DOCK3: variants seen among roughly 807,000 people sequenced by gnomAD.
DOCK3 encodes dedicator of cytokinesis 3, also known as dedicator of cytokinesis protein 3.
In DOCK3, 60 loss-of-function variants were observed where a neutral mutation model predicts 265.6. The ratio of observed to expected loss-of-function variants is 0.23; its 90% confidence interval spans 0.18 to 0.28. The LOEUF (loss-of-function observed/expected upper bound fraction) is 0.28, where lower values mean the gene tolerates loss of function less well. DOCK3 is among the 10% of genes least tolerant of loss of function. The pLI, the probability that DOCK3 is intolerant of heterozygous loss-of-function variation, is 1.00. For synonymous variants in DOCK3, 881 were observed against 938.0 expected (o/e 0.94, Z 1.11); for missense variants, 1,981 against 2,594.3 (o/e 0.76, Z 5.14).
intron 5 of DOCK3, among the ~76,000 whole-genome samples, chr3:51,060,866 A>G (rs1024439314): frequency 1.2e-4 from 18 of 152,206 alleles, no homozygotes; most frequent in African/African-American, 4.1e-4. Context: ...AATTTACAAG[A>G]AAAAAACAAA....
At chr3:50,942,534 G>T (rs539420336) in intron 5 of DOCK3, among the ~76,000 whole-genome samples, 1 of 151,854 alleles carries the variant, frequency 6.6e-6, no homozygotes, top group Admixed American at 6.6e-5. Flanking sequence ...ATCCTTTTTG[G>T]TATTAATGTA....
At chr3:50,806,944 G>T (rs970454816) in intron 2 of DOCK3, among the ~76,000 whole-genome samples, 10 of 152,138 alleles carry the variant, frequency 6.6e-5, no homozygotes, top group African/African-American at 2.4e-4. Context: ...GTAGGCCTTT[G>T]CAGTGGTGGT....
At chr3:50,929,812 A>G (rs977403535) in intron 4 of DOCK3, among the ~76,000 whole-genome samples, 3 of 152,260 alleles carry the variant, frequency 2.0e-5, no homozygotes, top group African/African-American at 7.2e-5. Flanking sequence ...ACAATATAAA[A>G]TCTAGCTGAT....
At chr3:50,813,920 A>G (rs1293160956) in intron 2 of DOCK3, among the ~76,000 whole-genome samples, 1 of 152,222 alleles carries the variant, frequency 6.6e-6, no homozygotes, top group South Asian at 2.1e-4. Context: ...GGCTATACCT[A>G]TGTAATAAAA....
At chr3:51,314,235 C>T (rs2083243190) in intron 31 of DOCK3, among the ~76,000 whole-genome samples, 2 of 152,174 alleles carry the variant, frequency 1.3e-5, no homozygotes, top group Admixed American at 1.3e-4. Flanking sequence ...CCCTAGATGG[C>T]ACGCCAATGA....
In DOCK3 at chr3:51,330,187, A is replaced by G; in HGVS notation, c.3452A>G (p.Lys1151Arg). ...CTGGACAGCATGGTGTCAGAAGGGA[A>G]AGGTGACGAGAGCTACAGGGAGCTC... ...DKLDSMVSEG[K>R]GDESYRELFS... is the part of the protein sequence containing the mutation. The change falls in exon 33 of 53, where the codon AAA (lysine) becomes AGA (arginine). Residue 1151 changes from lysine to arginine, a missense_variant. This residue lies in a region of DOCK3 where 1,357 missense variants were observed against 1,866.8 expected (regional missense o/e 0.73). Transcript: ENST00000266037. 1 of 1,605,920 alleles carries G rather than the reference A, an allele frequency of 6.2e-7. No homozygotes were observed. Among genetic ancestry groups the G allele is most frequent in the Non-Finnish European group, 8.5e-7 (1 of 1,176,344 alleles).
chr3:50,776,957 TA>T (rs2041637395), intron 1 of DOCK3, among the ~76,000 whole-genome samples: 1 of 152,158 alleles, frequency 6.6e-6, no homozygotes, highest in Non-Finnish European at 1.5e-5. Flanking sequence ...TAGTGGAAGA[TA>T]AAAGGCACTT....
At chr3:51,221,664 C>T (rs1260003160) in intron 14 of DOCK3, among the ~76,000 whole-genome samples, 1 of 152,136 alleles carries the variant, frequency 6.6e-6, no homozygotes, top group Non-Finnish European at 1.5e-5. Flanking sequence ...CAAATCGTTC[C>T]ACTTCATTCA....
At chr3:51,104,610 G>T (rs1451946413) in intron 9 of DOCK3, among the ~76,000 whole-genome samples, 1 of 152,154 alleles carries the variant, frequency 6.6e-6, no homozygotes, top group Non-Finnish European at 1.5e-5. Context: ...GCCTCTGAGT[G>T]AACAATTTTA....
At chr3:50,883,011 G>C (rs958460823) in intron 3 of DOCK3, among the ~76,000 whole-genome samples, 10 of 152,080 alleles carry the variant, frequency 6.6e-5, no homozygotes, top group Non-Finnish European at 1.0e-4. Flanking sequence ...GCAAACTATT[G>C]CAAGGACAGA....
chr3:51,376,084 GCCCACCTT>G (rs1170417484), intron 51 of DOCK3, among the ~76,000 whole-genome samples: 7 of 152,154 alleles, frequency 4.6e-5, no homozygotes, highest in African/African-American at 1.7e-4. Context: ...CCTGCCCTGA[GCCCACCTT>G]TATGGAAACT....
intron 5 of DOCK3, among the ~76,000 whole-genome samples, chr3:50,986,341 C>T (rs954107657): frequency 6.6e-6 from 1 of 152,200 alleles, no homozygotes; most frequent in African/African-American, 2.4e-5. Flanking sequence ...TTAATGCTAT[C>T]TAACAAGTTT....
At chr3:51,309,467 G>T (rs4085062) in intron 27 of DOCK3, among the ~76,000 whole-genome samples, 1 of 152,138 alleles carries the variant, frequency 6.6e-6, no homozygotes, top group Admixed American at 6.5e-5. Flanking sequence ...GCCTGCAATC[G>T]CAGGCACTCG....
intron 40 of DOCK3, among the ~76,000 whole-genome samples, chr3:51,352,950 T>C (rs1430501777): frequency 6.6e-6 from 1 of 152,222 alleles, no homozygotes; most frequent in Non-Finnish European, 1.5e-5. Flanking sequence ...ACAGGCCATC[T>C]ATTACTTTAG....
rs138962473 is a variant in DOCK3 at position 50,830,960 on chromosome 3, G to T, written c.122-10715G>T. Among the ~76,000 whole-genome samples the T allele has an allele frequency of 8.4e-3, 1,277 of 152,050 alleles. 139 individuals are homozygous for T. In the East Asian group the frequency reaches 0.2, roughly 24 times the overall value. ...TATTCAAGAGTTTTCTAGGAAAGGG[G>T]TGGGCAATTCCTGGAACTGAGGGTT... On this transcript the variant is annotated intron_variant, in intron 2 of 52. Transcript: ENST00000266037.
intron 13 of DOCK3, among the ~76,000 whole-genome samples, chr3:51,211,400 G>C (rs536289838): frequency 6.6e-6 from 1 of 151,422 alleles, no homozygotes; most frequent in South Asian, 2.1e-4. Flanking sequence ...TAAGTTCTAG[G>C]GTACATGTGC....
intron 49 of DOCK3, among the ~76,000 whole-genome samples, chr3:51,370,228 T>G (rs948926508): frequency 6.6e-6 from 1 of 152,222 alleles, no homozygotes; most frequent in Admixed American, 6.5e-5. Flanking sequence ...TAGTCCTGAA[T>G]AGAGCTGCAG....
At chr3:50,985,473 TA>T (rs2077864230) in intron 5 of DOCK3, among the ~76,000 whole-genome samples, 3 of 152,196 alleles carry the variant, frequency 2.0e-5, no homozygotes, top group African/African-American at 4.8e-5. Flanking sequence ...TTTAATAGAT[TA>T]AAAACCCCTC....
intron 5 of DOCK3, among the ~76,000 whole-genome samples, chr3:51,058,974 T>C: frequency 6.6e-6 from 1 of 152,146 alleles, no homozygotes; most frequent in East Asian, 1.9e-4. Flanking sequence ...GTAGGTTTGT[T>C]ACATGGGTAT....
Sources: allele counts gnomAD v4.1 joint callset (sites outside exome capture counted in the v4.1 genomes callset), GRCh38; gene constraint gnomAD v4.1.1; regional missense constraint gnomAD v4.1.1; transcripts MANE v1.5; gene names NCBI Gene and HGNC (gene_info 2026-07-23, HGNC 2026-07-21).